The following TSTD2 variants were observed in gnomAD, a reference collection of about 807,000 sequenced individuals.
TSTD2 encodes the protein thiosulfate sulfurtransferase/rhodanese-like domain-containing protein 2.
Under a neutral mutation model 47.9 loss-of-function variants are expected in TSTD2, and 37 were observed. That is an observed-to-expected ratio of 0.77 (90% CI 0.59 to 1.02). The LOEUF is 1.02. TSTD2 is among the 50% of genes least tolerant of loss of function. TSTD2 has a pLI of 0.00. For synonymous variants in TSTD2, 201 were observed against 215.9 expected, an observed-to-expected ratio of 0.93 and a Z score of 0.61; for missense variants, 586 against 616.0, an observed-to-expected ratio of 0.95 and a Z score of 0.52.
chr9:97,618,513 T>C (rs754505939), intron 3 of TSTD2, among the ~76,000 whole-genome samples: 3 of 152,230 alleles, frequency 2.0e-5, no homozygotes, highest in Non-Finnish European at 4.4e-5. Context: ...TAAACTATAT[T>C]TTCCAAAGTA....
intron 3 of TSTD2, among the ~76,000 whole-genome samples, chr9:97,621,581 G>T (rs145696693): frequency 1.3e-5 from 2 of 152,318 alleles, no homozygotes; most frequent in African/African-American, 4.8e-5. Flanking sequence ...TTCCCGGGTG[G>T]TCCTATGGAC....
At chr9:97,632,750 G>C (rs1250619543) in intron 1 of TSTD2, among the ~76,000 whole-genome samples, 2 of 152,186 alleles carry the variant, frequency 1.3e-5, no homozygotes, top group African/African-American at 4.8e-5. Context: ...TGAAAGCAGA[G>C]CAGGCAGGGT....
intron 9 of TSTD2, 129 bp downstream of exon 9, chr9:97,604,598 A>C (rs1826332453): frequency 8.2e-6 from 11 of 1,340,586 alleles, no homozygotes; most frequent in Admixed American, 4.6e-5. Context: ...GGCACAATGT[A>C]CTTATTTTCC....
At position 97,626,011 on chromosome 9, in the gene TSTD2, T is replaced by G; in HGVS notation, c.166-14A>C. On this transcript the variant is annotated splice_polypyrimidine_tract_variant and intron_variant, in intron 2 of 9. Coordinates refer to ENST00000341170, the MANE Select transcript of TSTD2 (RefSeq NM_139246.5). Reference sequence around the variant, plus strand: ...AAGGGCAAAGGCCTGCAATTAGATTTCAAATGCTAACACTGTTAAATAACC... The same window carrying G: ...AAGGGCAAAGGCCTGCAATTAGATTGCAAATGCTAACACTGTTAAATAACC... 6.3e-7 allele frequency: 1 copy of G among 1,599,480 alleles called. No homozygotes were observed. The highest frequency in any genetic ancestry group is 8.5e-7 in the Non-Finnish European group (1 of 1,174,364).
intron 6 of TSTD2, among the ~76,000 whole-genome samples, chr9:97,606,589 T>C (rs1403928662): frequency 2.6e-5 from 4 of 152,210 alleles, no homozygotes; most frequent in Non-Finnish European, 5.9e-5. Context: ...GGGATCTAAA[T>C]TGCCATGTGA....
At chr9:97,620,061 T>C (rs1483040818) in intron 3 of TSTD2, among the ~76,000 whole-genome samples, 4 of 152,210 alleles carry the variant, frequency 2.6e-5, no homozygotes, top group Admixed American at 2.6e-4. Flanking sequence ...AAAAACCTGA[T>C]ATTGCTTGGC....
chr9:97,624,049 C>A lies in TSTD2; in HGVS notation c.482+1632G>T, dbSNP rs575798568. ...AAGAATAGGTAAAGTGCAGGCAGTG[C>A]TGCTAGGTAATACACACTAAAAAGT... On this transcript the variant is annotated intron_variant, in intron 3 of 9. Transcript: ENST00000341170. Among the ~76,000 whole-genome samples the A allele has an allele frequency of 2.1e-4, 32 of 152,164 alleles. 1 individual carries two copies. Among genetic ancestry groups the A allele is most frequent in the African/African-American group, 7.5e-4 (31 of 41,512 alleles).
Position 97,602,784 on chromosome 9 carries a change from A to C in TSTD2, c.1253-17T>G. The stretch of plus-strand genomic sequence containing the variant: ...ATGAACACTCTGGGGAGGAAGGAAA[A>C]GCCATCATTATAAACACATACATTC... On this transcript the variant is annotated splice_polypyrimidine_tract_variant and intron_variant, in intron 9 of 9. Coordinates refer to ENST00000341170, the MANE Select transcript of TSTD2 (RefSeq NM_139246.5). 6.3e-7 allele frequency: 1 copy of C among 1,588,024 alleles called. No individual in the cohort carries two copies. The highest frequency in any genetic ancestry group is 8.6e-7 in the Non-Finnish European group (1 of 1,164,420).
rs780347726 is a variant in TSTD2 at position 97,604,754 on chromosome 9, G to A, written c.1225C>T (p.Leu409=). The A allele has an allele frequency of 9.3e-6, 15 of 1,614,094 alleles. No individual in the cohort carries two copies. The highest frequency in any genetic ancestry group is 1.3e-5 in the African/African-American group (1 of 74,924). Reference sequence around the variant, plus strand: ...GACACCACATCACTGTTGTAGGACAGAGCATAGCGTTCATCAAAAACAAAC... The same window carrying A: ...GACACCACATCACTGTTGTAGGACAAAGCATAGCGTTCATCAAAAACAAAC... The part of the protein sequence containing the change: ...KLFVFDERYA[L]SYNSDVVSEC... The change falls in exon 9 of 10, where the codon CTG becomes TTG. Residue 409 remains leucine (L), a synonymous_variant. Coordinates refer to ENST00000341170, the MANE Select transcript of TSTD2 (RefSeq NM_139246.5).
At chr9:97,618,844 G>A (rs1826585123) in intron 3 of TSTD2, among the ~76,000 whole-genome samples, 1 of 152,120 alleles carries the variant, frequency 6.6e-6, no homozygotes, top group Non-Finnish European at 1.5e-5. Context: ...TGCTTTCCAT[G>A]CTCCTCCATG....
intron 1 of TSTD2, among the ~76,000 whole-genome samples, chr9:97,628,230 A>G (rs1345075180): frequency 2.0e-5 from 3 of 152,208 alleles, no homozygotes; most frequent in African/African-American, 7.2e-5. Context: ...GAAATGTCAA[A>G]ATCGCTACTG....
At chr9:97,610,493 C>T in intron 5 of TSTD2, 42 bp from the exon 6 acceptor site, 1 of 1,399,624 alleles carries the variant, frequency 7.1e-7, no homozygotes. Flanking sequence ...CTTGCTGTCC[C>T]ATCTCCAGGT....
At chr9:97,608,045 T>C (rs1826393895) in intron 6 of TSTD2, among the ~76,000 whole-genome samples, 1 of 151,528 alleles carries the variant, frequency 6.6e-6, no homozygotes, top group Non-Finnish European at 1.5e-5. Flanking sequence ...TAGCTGGGCG[T>C]GGTGGCGCAT....
chr9:97,607,176 T>G (rs1826379992), intron 6 of TSTD2, among the ~76,000 whole-genome samples: 3 of 151,994 alleles, frequency 2.0e-5, no homozygotes, highest in South Asian at 2.1e-4. Context: ...AAAAAATATA[T>G]ATACAAAGGG....
chr9:97,632,657 A>AT (rs1416455867), intron 1 of TSTD2, among the ~76,000 whole-genome samples: 1 of 151,882 alleles, frequency 6.6e-6, no homozygotes, highest in African/African-American at 2.4e-5. Flanking sequence ...AAGTGTTAGG[A>AT]TTACAAGCGT....
chr9:97,613,931 C>T (rs1399018814), intron 4 of TSTD2, among the ~76,000 whole-genome samples: 3 of 151,696 alleles, frequency 2.0e-5, no homozygotes. Context: ...CAGGTTCACA[C>T]CATTCTCCTG....
chr9:97,605,208 A>G (rs1038649496), intron 8 of TSTD2, among the ~76,000 whole-genome samples: 2 of 152,228 alleles, frequency 1.3e-5, no homozygotes, highest in African/African-American at 4.8e-5. Context: ...TCTCAGGATC[A>G]AGCAAAAGGA....
At chr9:97,604,077 A>T (rs2131304447) in intron 9 of TSTD2, 1 of 152,370 alleles carries the variant, frequency 6.6e-6, no homozygotes, top group African/African-American at 2.4e-5. Flanking sequence ...AGTCTTTTTC[A>T]AAATCTGTAA....
Position 97,602,555 on chromosome 9 carries a change from G to T in TSTD2, c.1465C>A (p.Pro489Thr), listed in dbSNP as rs776701947. 68 of 1,614,078 alleles carry T rather than the reference G, an allele frequency of 4.2e-5. No individual in the cohort carries two copies. Among genetic ancestry groups the T allele is most frequent in the Non-Finnish European group, 5.3e-5 (62 of 1,180,034 alleles). Residue 489 changes from proline to threonine, a missense_variant, in exon 10 of 10, where the codon CCT becomes ACT. By Grantham distance (38) the Pro-to-Thr change is conservative (BLOSUM62 -1). Transcript: ENST00000341170. ...CECTARRPRI[P>T]RELLQHVRQP... ...CGCACATGCTGCAAGAGTTCCCTAGGTATGCGTGGCCGTCGGGCTGTGCAC... is the reference window on the plus strand; with the variant it reads ...CGCACATGCTGCAAGAGTTCCCTAGTTATGCGTGGCCGTCGGGCTGTGCAC...
Sources: gnomAD v4.1 joint callset for allele counts (sites outside exome capture counted in the v4.1 genomes callset) on GRCh38, gnomAD v4.1.1 for gene constraint, MANE v1.5 for transcripts, NCBI Gene and HGNC (gene_info 2026-07-23, HGNC 2026-07-21) for gene names.